The following DMD variants were observed in gnomAD, a reference collection of about 807,000 sequenced individuals.
The protein encoded by DMD is dystrophin.
In DMD, 63 loss-of-function variants were observed where a neutral mutation model predicts 330.1. The ratio of observed to expected loss-of-function variants is 0.19; its 90% confidence interval spans 0.16 to 0.24. DMD has a LOEUF of 0.24. Among genes scored for constraint, DMD ranks in the 10% least tolerant of loss-of-function variants. The pLI is 1.00. For missense variants in DMD, 3,344 were observed against 2,684.1 expected (o/e 1.25, Z -5.43); for synonymous variants, 1,223 against 959.8 (o/e 1.27, Z -5.07).
intron 1 of DMD, among the ~76,000 whole-genome samples, chrX:33,246,218 A>C (rs1330687337): frequency 2.7e-5 from 3 of 111,973 alleles, no homozygotes; most frequent in African/African-American, 9.8e-5. Flanking sequence ...TACAGTACTA[A>C]ACAGCCTGAG....
intron 48 of DMD, among the ~76,000 whole-genome samples, chrX:31,858,847 A>C (rs747246961): frequency 9.5e-4 from 106 of 111,211 alleles, no homozygotes; most frequent in Non-Finnish European, 3.0e-4. Context: ...GTAAACACCA[A>C]GTTCACTCCC....
At chrX:31,184,167 C>T (rs2041485614) in intron 67 of DMD, among the ~76,000 whole-genome samples, 1 of 112,103 alleles carries the variant, frequency 8.9e-6, no homozygotes, top group African/African-American at 3.2e-5. Context: ...CCTCGGCCTC[C>T]CAAAGTGCTG....
intron 43 of DMD, among the ~76,000 whole-genome samples, chrX:32,232,724 C>T (rs972481856): frequency 6.3e-5 from 7 of 111,724 alleles, no homozygotes; most frequent in African/African-American, 2.3e-4. Context: ...TTTCCCACAC[C>T]GGAAGGCACA....
rs72626047 is a variant in DMD, at chrX:32,674,686, T to A, written c.960+23184A>T. ...AGAAACTCAGACCTTTTGTTTCCTA[T>A]TTGGGTAAAGATATATTCTTTACAT... is the stretch of plus-strand genomic sequence containing the variant. On this transcript the variant is annotated intron_variant, in intron 9 of 78. Transcript: ENST00000357033. Among the ~76,000 whole-genome samples, 97 of 111,220 alleles carry A rather than the reference T, an allele frequency of 8.7e-4. No individual in the cohort carries two copies. In the East Asian group the frequency reaches 0.02, roughly 23 times the overall value.
At chrX:32,748,140 C>T (rs774947232) in intron 7 of DMD, among the ~76,000 whole-genome samples, 1 of 109,724 alleles carries the variant, frequency 9.1e-6, no homozygotes. Flanking sequence ...GACAGAAGTA[C>T]GAGACCAGCC....
intron 2 of DMD, among the ~76,000 whole-genome samples, chrX:32,914,367 A>T (rs764140622): frequency 8.9e-6 from 1 of 112,382 alleles, no homozygotes; most frequent in African/African-American, 3.2e-5. Flanking sequence ...GCTTGAGAGC[A>T]AGAGTACTAA....
chrX:32,822,969 C>T (rs1248639810), intron 5 of DMD, among the ~76,000 whole-genome samples: 1 of 111,254 alleles, frequency 9.0e-6, no homozygotes, highest in Non-Finnish European at 1.9e-5. Flanking sequence ...TAAAATAAAA[C>T]ATACTAAATT....
At chrX:32,500,620 T>C (rs142024808) in intron 19 of DMD, among the ~76,000 whole-genome samples, 82 of 111,856 alleles carry the variant, frequency 7.3e-4, no homozygotes, top group African/African-American at 2.5e-3. Context: ...CATAATTTTA[T>C]TTAACATGAA....
intron 13 of DMD, among the ~76,000 whole-genome samples, chrX:32,585,209 G>A (rs1173946186): frequency 9.0e-6 from 1 of 111,165 alleles, no homozygotes; most frequent in African/African-American, 3.3e-5. Flanking sequence ...GGAATGAAGA[G>A]AGGTTGTTTA....
chrX:31,874,524 G>T (rs1363190633), intron 48 of DMD, among the ~76,000 whole-genome samples: 1 of 111,313 alleles, frequency 9.0e-6, no homozygotes, highest in Non-Finnish European at 1.9e-5. Context: ...TATGATGCAG[G>T]CATTCTAGTA....
At chrX:33,205,928 C>T (rs751945355) in intron 1 of DMD, among the ~76,000 whole-genome samples, 2 of 111,434 alleles carry the variant, frequency 1.8e-5, no homozygotes, top group African/African-American at 6.5e-5. Context: ...AAACAAAAAA[C>T]ATCATGATTC....
intron 42 of DMD, among the ~76,000 whole-genome samples, chrX:32,305,221 A>T (rs975071886): frequency 1.8e-5 from 2 of 111,627 alleles, no homozygotes; most frequent in African/African-American, 6.5e-5. Flanking sequence ...GCCTTCATTT[A>T]ACTAATTGGG....
At chrX:32,282,935 TC>T (rs1372924876) in intron 43 of DMD, among the ~76,000 whole-genome samples, 1 of 111,876 alleles carries the variant, frequency 8.9e-6, no homozygotes. Flanking sequence ...TTAACATCTC[TC>T]CCCCCTTCCA....
intron 1 of DMD, among the ~76,000 whole-genome samples, chrX:33,022,908 C>T (rs1448905060): frequency 9.0e-6 from 1 of 111,682 alleles, no homozygotes; most frequent in Non-Finnish European, 1.9e-5. Context: ...CAAGGAGGTT[C>T]CATGTATGTT....
intron 43 of DMD, among the ~76,000 whole-genome samples, chrX:32,254,328 C>T (rs905274863): frequency 8.9e-6 from 1 of 112,405 alleles, no homozygotes; most frequent in Non-Finnish European, 1.9e-5. Context: ...AGGCGAGAGC[C>T]ACCACACCTG....
chrX:32,925,047 C>G (rs1013101618), intron 2 of DMD, among the ~76,000 whole-genome samples: 1 of 107,648 alleles, frequency 9.3e-6, no homozygotes, highest in African/African-American at 3.4e-5. Flanking sequence ...GCTCTGTGGC[C>G]GATGGTTTTG....
intron 57 of DMD, among the ~76,000 whole-genome samples, chrX:31,488,453 GTGTC>G (rs201411543): frequency 0.032 from 3,594 of 111,745 alleles, 127 homozygotes; most frequent in African/African-American, 0.1. Context: ...CATACCCTTT[GTGTC>G]TGTCTATCAA....
intron 60 of DMD, among the ~76,000 whole-genome samples, chrX:31,393,058 T>C (rs759653682): frequency 2.7e-4 from 30 of 112,488 alleles, no homozygotes; most frequent in Admixed American, 7.5e-4. Context: ...GTTTTGAAAT[T>C]TTAATATGGA....
chrX:31,989,961 C>T (rs1466742975), intron 44 of DMD, among the ~76,000 whole-genome samples: 1 of 111,002 alleles, frequency 9.0e-6, no homozygotes, highest in Admixed American at 9.6e-5. Flanking sequence ...GCTCCCCTCC[C>T]TCCCCTCCTC....
Sources: gnomAD v4.1 joint callset for allele counts (sites outside exome capture counted in the v4.1 genomes callset) on GRCh38, gnomAD v4.1.1 for gene constraint, MANE v1.5 for transcripts, NCBI Gene and HGNC (gene_info 2026-07-23, HGNC 2026-07-21) for gene names.